The following TCF7L1 variants were observed in gnomAD, a reference collection of about 807,000 sequenced individuals.
TCF7L1 encodes transcription factor 7-like 1.
In TCF7L1, 18 loss-of-function variants were observed where a neutral mutation model predicts 63.7. The ratio of observed to expected loss-of-function variants is 0.28; its 90% CI spans 0.20 to 0.42. TCF7L1 has a LOEUF of 0.42. TCF7L1 is among the 10% of genes least tolerant of loss of function. The probability of loss-of-function intolerance (pLI) is 1.00; values close to 1 mark genes in which losing one functional copy is unlikely to be tolerated. For missense variants in TCF7L1, 654 were observed against 779.3 expected (o/e 0.84, Z 1.91); for synonymous variants, 355 against 340.9 (o/e 1.04, Z -0.46).
intron 4 of TCF7L1, among the ~76,000 whole-genome samples, chr2:85,290,492 A>G (rs1376486869): frequency 2.0e-5 from 3 of 152,224 alleles, no homozygotes; most frequent in Admixed American, 6.5e-5. Context: ...TTTTTAAGAT[A>G]TAATTTACAT....
chr2:85,175,609 T>C (rs952775663), intron 3 of TCF7L1, among the ~76,000 whole-genome samples: 3 of 152,246 alleles, frequency 2.0e-5, no homozygotes, highest in Admixed American at 6.5e-5. Flanking sequence ...GATTTCCCGA[T>C]GGATCAGGTA....
Position 85,133,670 on chromosome 2 carries a change from G to C in TCF7L1, c.-15G>C. ...AGGGGCTCCGAGAGCGGCGGCCCCG[G>C]CCCGCGGCCCCACCATGCCCCAGCT... On this transcript the variant is annotated 5_prime_UTR_variant, in exon 1 of 12. Coordinates refer to ENST00000282111, the MANE Select transcript of TCF7L1 (RefSeq NM_031283.3). This position sits in a 1 kb window ranked among gnomAD's most constrained non-coding sequence, Gnocchi z 4.4. 3 of 945,272 alleles carry C rather than the reference G, an allele frequency of 3.2e-6. No homozygotes were observed. The highest frequency in any genetic ancestry group is 3.8e-6 in the Non-Finnish European group (3 of 795,586). The allele number at this position is 945,272 out of a possible 1,614,324, so 58.6% of individuals were successfully genotyped here. A position where few individuals can be genotyped will look rare whatever the true frequency, so the allele number is the denominator to read the frequency against.
At chr2:85,221,401 G>A (rs984695833) in intron 3 of TCF7L1, among the ~76,000 whole-genome samples, 2 of 152,192 alleles carry the variant, frequency 1.3e-5, no homozygotes, top group African/African-American at 4.8e-5. Context: ...TTCATTTTGT[G>A]TTGCTGTAAC....
At chr2:85,263,320 G>GT (rs1411186503) in intron 3 of TCF7L1, among the ~76,000 whole-genome samples, 7 of 68,486 alleles carry the variant, frequency 1.0e-4, no homozygotes, top group Non-Finnish European at 3.3e-4. Context: ...GTAGGGTGGA[G>GT]GGGGGGAAGT....
At chr2:85,212,116 A>AAAAAAAAAAC (rs1679565381) in intron 3 of TCF7L1, among the ~76,000 whole-genome samples, 1 of 132,798 alleles carries the variant, frequency 7.5e-6, no homozygotes, top group African/African-American at 2.9e-5. Flanking sequence ...AAAAAAAAAA[A>AAAAAAAAAAC]TTCCAGACTT....
chr2:85,180,353 G>A (rs533981480), intron 3 of TCF7L1, among the ~76,000 whole-genome samples: 113 of 151,912 alleles, frequency 7.4e-4, no homozygotes, highest in African/African-American at 2.5e-3. Context: ...GATTACAGAT[G>A]TGAGCTACGG....
chr2:85,140,067 A>G (rs372486097), intron 3 of TCF7L1, among the ~76,000 whole-genome samples: 45 of 152,250 alleles, frequency 3.0e-4, no homozygotes, highest in African/African-American at 1.1e-3. Context: ...AGGAAATAGG[A>G]TTCTTGTCTG....
At chr2:85,250,792 C>T (rs925002904) in intron 3 of TCF7L1, among the ~76,000 whole-genome samples, 1 of 152,176 alleles carries the variant, frequency 6.6e-6, no homozygotes, top group East Asian at 1.9e-4. Flanking sequence ...TTTTGTGTTT[C>T]GTGTATGTTA....
chr2:85,159,931 G>T (rs982279288), intron 3 of TCF7L1, among the ~76,000 whole-genome samples: 6 of 152,172 alleles, frequency 3.9e-5, no homozygotes, highest in African/African-American at 1.4e-4. Flanking sequence ...CAGGCTCCCT[G>T]ACCGATGCCC....
At chr2:85,241,438 T>TG (rs1573005949) in intron 3 of TCF7L1, among the ~76,000 whole-genome samples, 1 of 75,536 alleles carries the variant, frequency 1.3e-5, no homozygotes. Context: ...TTTGTTTTTG[T>TG]TTTTTTTTTT....
rs551494969 is a variant in TCF7L1, at chr2:85,238,516, T to C, written c.442-44979T>C. The stretch of plus-strand genomic sequence containing the variant: ...CACAGCCGGGGCCGTGATTCCTTCA[T>C]TGATTCTTCCTTCAACGCTTCCTTA... On this transcript the variant is annotated intron_variant, in intron 3 of 11. Transcript: ENST00000282111. Among the ~76,000 whole-genome samples, 14 of 152,324 alleles carry C rather than the reference T, an allele frequency of 9.2e-5. No homozygotes were observed. The South Asian group carries it at 1.7e-3, about 18-fold the overall frequency.
intron 3 of TCF7L1, among the ~76,000 whole-genome samples, chr2:85,239,752 GACCAACA>G (rs1315929052): frequency 6.6e-6 from 1 of 152,034 alleles, no homozygotes; most frequent in Non-Finnish European, 1.5e-5. Context: ...AGACCAGCTT[GACCAACA>G]TGATGAAACC....
At chr2:85,198,499 G>T (rs1487783314) in intron 3 of TCF7L1, among the ~76,000 whole-genome samples, 1 of 152,224 alleles carries the variant, frequency 6.6e-6, no homozygotes, top group Non-Finnish European at 1.5e-5. Context: ...GCTGGTTTCA[G>T]GCCCAGACAG....
At position 85,154,268 on chromosome 2, in the gene TCF7L1, G is replaced by GA. The variant is rs1302546392; in HGVS notation, c.441+19819dup. Among the ~76,000 whole-genome samples, 6 of 152,186 alleles carry GA rather than the reference G, an allele frequency of 3.9e-5. No individual in the cohort carries two copies. The East Asian group carries it at 1.2e-3, about 29-fold the overall frequency. On this transcript the variant is annotated intron_variant, in intron 3 of 11. Coordinates refer to ENST00000282111, the MANE Select transcript of TCF7L1 (RefSeq NM_031283.3). ...CAAGGTATTTTGGCTGCTCTGAGAG[G>GA]ACACATGATAGTTTTCCAGTTATAT...
rs567230866 is a variant in TCF7L1 at position 85,147,656 on chromosome 2, C to T, written c.441+13206C>T. On this transcript the variant is annotated intron_variant, in intron 3 of 11. Coordinates refer to ENST00000282111, the MANE Select transcript of TCF7L1 (RefSeq NM_031283.3). ...TAGCATTAAGGTGTAGCCCCTGTGC[C>T]ACTTGTGGATGAAGCTGCCCTTGGG... Among the ~76,000 whole-genome samples, 10 of 152,216 alleles carry T rather than the reference C, an allele frequency of 6.6e-5. No homozygotes were observed. In the South Asian group the frequency reaches 2.1e-3, roughly 32 times the overall value.
At position 85,205,537 on chromosome 2, in the gene TCF7L1, GT is replaced by G. The variant is rs35034885; in HGVS notation, c.441+71102del. Among the ~76,000 whole-genome samples the G allele has an allele frequency of 1.7e-3, 94 of 54,544 alleles. 1 individual carries two copies. The highest frequency in any genetic ancestry group is 3.1e-3 in the East Asian group (8 of 2,564). 35.8% of individuals were successfully genotyped at this position (54,544 alleles called of 152,430 possible). On this transcript the variant is annotated intron_variant, in intron 3 of 11. Transcript: ENST00000282111. ...GCAGAAATGCTTGTCAGCCCACATT[GT>G]TTTTTTTTTTTTTTCAATACAGAGT...
intron 3 of TCF7L1, chr2:85,233,815 A>ATGG (rs1680132925): frequency 6.6e-6 from 1 of 152,094 alleles, no homozygotes; most frequent in African/African-American, 2.4e-5. Context: ...GTGGATTCGT[A>ATGG]TGGTGTGTAG....
intron 3 of TCF7L1, among the ~76,000 whole-genome samples, chr2:85,256,558 TAGGCGGGACACTGGG>T (rs1028408326): frequency 2.6e-5 from 4 of 152,240 alleles, no homozygotes; most frequent in Admixed American, 2.6e-4. Flanking sequence ...CTTGTGTGTG[TAGGCGGGACACTGGG>T]AGGGGTCGGC....
intron 3 of TCF7L1, among the ~76,000 whole-genome samples, chr2:85,146,634 T>C (rs540845869): frequency 6.6e-6 from 1 of 151,966 alleles, no homozygotes; most frequent in South Asian, 2.1e-4. Flanking sequence ...CCTGAGTAGC[T>C]GGGACTACAG....
Sources: allele counts gnomAD v4.1 joint callset (sites outside exome capture counted in the v4.1 genomes callset), GRCh38; gene constraint gnomAD v4.1.1; non-coding constraint Gnocchi (gnomAD v3.1); transcripts MANE v1.5; gene names NCBI Gene and HGNC (gene_info 2026-07-23, HGNC 2026-07-21).